Variants in INPP4B observed in about 807,000 individuals in gnomAD.
INPP4B encodes the protein inositol polyphosphate 4-phosphatase type II.
INPP4B carries 55 observed loss-of-function variants against 122.5 expected under a neutral mutation model. The observed-to-expected ratio is 0.45, with a 90% CI of 0.36 to 0.56. The LOEUF (loss-of-function observed/expected upper bound fraction) is 0.56, where lower values mean the gene tolerates loss of function less well. Ranked by LOEUF, INPP4B falls within the 20% of genes least tolerant of loss-of-function variation. The pLI, the probability that INPP4B is intolerant of heterozygous loss-of-function variation, is 0.00. For missense variants in INPP4B, 1,000 were observed against 1,097.7 expected, an observed-to-expected ratio of 0.91 and a Z score of 1.26; for synonymous variants, 403 against 388.7, an observed-to-expected ratio of 1.04 and a Z score of -0.43.
At chr4:142,312,020 A>C (rs1695709769) in intron 8 of INPP4B, among the ~76,000 whole-genome samples, 1 of 152,164 alleles carries the variant, frequency 6.6e-6, no homozygotes, top group Admixed American at 6.6e-5. Flanking sequence ...ATTAGTTTTA[A>C]GCCAGTTTGT....
At chr4:142,100,727 T>C (rs1175563789) in intron 23 of INPP4B, among the ~76,000 whole-genome samples, 1 of 152,004 alleles carries the variant, frequency 6.6e-6, no homozygotes. Flanking sequence ...ACAGTGAAAA[T>C]GATGCAGAGA....
intron 1 of INPP4B, among the ~76,000 whole-genome samples, chr4:142,779,028 G>T (rs1246139923): frequency 1.3e-5 from 2 of 151,932 alleles, no homozygotes; most frequent in East Asian, 3.9e-4. Flanking sequence ...TTACCAGCTT[G>T]CATATTTTTA....
At chr4:142,637,382 C>G (rs1016669344) in intron 2 of INPP4B, among the ~76,000 whole-genome samples, 4 of 152,178 alleles carry the variant, frequency 2.6e-5, no homozygotes, top group African/African-American at 7.2e-5. Flanking sequence ...TCCTGTCAAT[C>G]ACTCATTTTT....
chr4:142,737,441 C>T (rs1162762566), intron 1 of INPP4B, among the ~76,000 whole-genome samples: 1 of 152,090 alleles, frequency 6.6e-6, no homozygotes, highest in African/African-American at 2.4e-5. Flanking sequence ...CCCTTCCTTA[C>T]ACCTTATACA....
intron 7 of INPP4B, among the ~76,000 whole-genome samples, chr4:142,346,116 C>A (rs905747607): frequency 2.0e-5 from 3 of 151,994 alleles, no homozygotes; most frequent in African/African-American, 7.2e-5. Flanking sequence ...TATTGTACAT[C>A]ATTATCATCC....
At chr4:142,141,011 T>C (rs1807505467) in intron 18 of INPP4B, among the ~76,000 whole-genome samples, 1 of 152,208 alleles carries the variant, frequency 6.6e-6, no homozygotes, top group East Asian at 1.9e-4. Flanking sequence ...TTCAGAGAAA[T>C]GCAAACTCTT....
chr4:142,148,713 T>C (rs1351034083), intron 17 of INPP4B, among the ~76,000 whole-genome samples: 1 of 152,186 alleles, frequency 6.6e-6, no homozygotes, highest in Non-Finnish European at 1.5e-5. Context: ...ATTTCGCTCA[T>C]AGAAAAGTCA....
intron 17 of INPP4B, among the ~76,000 whole-genome samples, chr4:142,159,948 TA>T (rs1819283345): frequency 6.6e-6 from 1 of 152,056 alleles, no homozygotes; most frequent in Admixed American, 6.6e-5. Context: ...TGAATACTTT[TA>T]AAAAGTACTT....
intron 2 of INPP4B, among the ~76,000 whole-genome samples, chr4:142,466,096 C>G (rs1817710437): frequency 1.3e-5 from 2 of 152,032 alleles, no homozygotes; most frequent in South Asian, 4.2e-4. Context: ...TATAGAGATT[C>G]CAGAAAATAT....
intron 2 of INPP4B, among the ~76,000 whole-genome samples, chr4:142,646,753 C>T (rs1428978574): frequency 6.6e-6 from 1 of 152,196 alleles, no homozygotes; most frequent in Non-Finnish European, 1.5e-5. Context: ...GACCACTGGA[C>T]TTCAGGTGTA....
intron 1 of INPP4B, among the ~76,000 whole-genome samples, chr4:142,796,187 A>C (rs1022910692): frequency 6.6e-6 from 1 of 152,024 alleles, no homozygotes; most frequent in African/African-American, 2.4e-5. Flanking sequence ...TGCTTGTAGA[A>C]TGAATGATAG....
At chr4:142,401,308 T>A (rs1365967638) in intron 7 of INPP4B, among the ~76,000 whole-genome samples, 2 of 152,150 alleles carry the variant, frequency 1.3e-5, no homozygotes, top group African/African-American at 4.8e-5. Context: ...CTGGGCATAA[T>A]TTATCAAAGC....
At chr4:142,804,541 C>T (rs917856455) in intron 1 of INPP4B, among the ~76,000 whole-genome samples, 2 of 152,160 alleles carry the variant, frequency 1.3e-5, no homozygotes, top group Non-Finnish European at 2.9e-5. Context: ...TACAACCGTC[C>T]TACCCTCACT....
chr4:142,211,965 A>T (rs2149568513), intron 12 of INPP4B, among the ~76,000 whole-genome samples: 1 of 152,260 alleles, frequency 6.6e-6, no homozygotes. Flanking sequence ...TTAAGAGATA[A>T]GGTGACAGTG....
intron 2 of INPP4B, among the ~76,000 whole-genome samples, chr4:142,616,262 A>G (rs1743680497): frequency 6.6e-6 from 1 of 152,116 alleles, no homozygotes; most frequent in Admixed American, 6.6e-5. Flanking sequence ...TATCTTTCCC[A>G]GTTATTTGAT....
At chr4:142,429,442 T>C (rs1314455405) in intron 4 of INPP4B, among the ~76,000 whole-genome samples, 1 of 152,088 alleles carries the variant, frequency 6.6e-6, no homozygotes, top group African/African-American at 2.4e-5. Flanking sequence ...ATTTTATCTG[T>C]ATGGTTATAA....
chr4:142,320,783 A>G (rs62328284), intron 7 of INPP4B, among the ~76,000 whole-genome samples: 14,728 of 152,284 alleles, frequency 0.097, 774 homozygotes, highest in Middle Eastern at 0.19. Flanking sequence ...ACTTAGAATA[A>G]TGGTCTGCAC....
chr4:142,151,297 A>G (rs1037344022), intron 17 of INPP4B, among the ~76,000 whole-genome samples: 4 of 152,032 alleles, frequency 2.6e-5, no homozygotes, highest in Non-Finnish European at 1.5e-5. Context: ...CACACCACAT[A>G]TCAACATCCA....
chr4:142,203,818 G>A (rs953418695), intron 14 of INPP4B, among the ~76,000 whole-genome samples: 1 of 151,740 alleles, frequency 6.6e-6, no homozygotes, highest in Admixed American at 6.6e-5. Flanking sequence ...AATGTGAATA[G>A]ACACAATTTA....
Sources: gnomAD v4.1 joint callset for allele counts (sites outside exome capture counted in the v4.1 genomes callset) on GRCh38, gnomAD v4.1.1 for gene constraint, MANE v1.5 for transcripts, NCBI Gene and HGNC (gene_info 2026-07-23, HGNC 2026-07-21) for gene names.